Variants in MEOX2 observed in about 807,000 individuals in gnomAD.
MEOX2 encodes mesenchyme homeobox 2.
MEOX2 carries 11 observed loss-of-function variants against 27.0 expected under a neutral mutation model. The observed-to-expected ratio is 0.41, with a 90% confidence interval of 0.26 to 0.68. MEOX2 has a LOEUF of 0.68. MEOX2 is among the 30% of genes least tolerant of loss of function. The pLI is 0.33. For missense variants in MEOX2, 436 were observed against 385.4 expected (o/e 1.13, Z -1.10); for synonymous variants, 189 against 155.4 (o/e 1.22, Z -1.61).
chr7:15,658,184 G>A (rs752095114), intron 1 of MEOX2, among the ~76,000 whole-genome samples: 4 of 152,238 alleles, frequency 2.6e-5, no homozygotes, highest in African/African-American at 9.6e-5. Flanking sequence ...AACAGGATGA[G>A]TAACTCATTA....
At chr7:15,674,798 G>T (rs1386520282) in intron 1 of MEOX2, among the ~76,000 whole-genome samples, 1 of 152,112 alleles carries the variant, frequency 6.6e-6, no homozygotes, top group African/African-American at 2.4e-5. Context: ...CACATTGTGG[G>T]GAAGATGGGT....
At chr7:15,619,763 G>T (rs17168912) in intron 2 of MEOX2, among the ~76,000 whole-genome samples, 2 of 151,780 alleles carry the variant, frequency 1.3e-5, no homozygotes, top group African/African-American at 4.8e-5. Flanking sequence ...ATATTCTTAA[G>T]GCCAGTTCAA....
chr7:15,670,442 A>G (rs1469973915), intron 1 of MEOX2, among the ~76,000 whole-genome samples: 1 of 152,140 alleles, frequency 6.6e-6, no homozygotes, highest in African/African-American at 2.4e-5. Flanking sequence ...GAGGGATCCC[A>G]TCCTTGATGC....
intron 1 of MEOX2, among the ~76,000 whole-genome samples, chr7:15,629,711 C>T (rs1406104928): frequency 4.6e-5 from 7 of 152,028 alleles, no homozygotes; most frequent in Admixed American, 3.9e-4. Context: ...TAAAAACATG[C>T]TTCTTGGAAT....
rs1262275573 is a variant in MEOX2, at chr7:15,676,738, G to T, written c.517+9148C>A. Among the ~76,000 whole-genome samples, 3 of 151,860 alleles carry T rather than the reference G, an allele frequency of 2.0e-5. No individual in the cohort carries two copies. In the East Asian group the frequency reaches 5.8e-4, roughly 29 times the overall value. The stretch of plus-strand genomic sequence containing the variant: ...ATATAAAAATTAGCGGGCGCCTGTA[G>T]TCCCAGCTACTCAGGAGGCTGAGGC... On this transcript the variant is annotated intron_variant, in intron 1 of 2. Coordinates refer to ENST00000262041, the MANE Select transcript of MEOX2 (RefSeq NM_005924.5).
At chr7:15,637,844 C>T (rs927958513) in intron 1 of MEOX2, among the ~76,000 whole-genome samples, 3 of 151,836 alleles carry the variant, frequency 2.0e-5, no homozygotes, top group Non-Finnish European at 2.9e-5. Context: ...ATCTAAGAAT[C>T]CACAGGATTG....
chr7:15,665,633 C>T (rs1781990898), intron 1 of MEOX2, among the ~76,000 whole-genome samples: 2 of 152,176 alleles, frequency 1.3e-5, no homozygotes, highest in South Asian at 4.1e-4. Flanking sequence ...AGGTCAGATA[C>T]TGAGATCTCA....
At chr7:15,666,211 C>A (rs1026894131) in intron 1 of MEOX2, among the ~76,000 whole-genome samples, 3 of 152,166 alleles carry the variant, frequency 2.0e-5, no homozygotes, top group African/African-American at 7.2e-5. Context: ...AGAGCCAATA[C>A]AATGTCATGC....
At chr7:15,641,913 C>T (rs560211800) in intron 1 of MEOX2, among the ~76,000 whole-genome samples, 6 of 151,500 alleles carry the variant, frequency 4.0e-5, no homozygotes, top group Non-Finnish European at 8.8e-5. Flanking sequence ...TGTTGCCATT[C>T]GAAAAAAAAG....
chr7:15,639,542 G>A (rs574096205), intron 1 of MEOX2, among the ~76,000 whole-genome samples: 21 of 151,096 alleles, frequency 1.4e-4, no homozygotes, highest in African/African-American at 4.8e-4. Flanking sequence ...TTAATCTAAA[G>A]GCCAGTTTCT....
chr7:15,666,490 A>G (rs959268418), intron 1 of MEOX2, among the ~76,000 whole-genome samples: 2 of 152,088 alleles, frequency 1.3e-5, no homozygotes, highest in Admixed American at 6.5e-5. Flanking sequence ...GAGGTGGCTC[A>G]TGCCTGTAAT....
chr7:15,615,168 A>C (rs1781102685), intron 2 of MEOX2, among the ~76,000 whole-genome samples: 1 of 90,184 alleles, frequency 1.1e-5, no homozygotes. Flanking sequence ...AGACAGCTAT[A>C]CTATTGGTGC....
At chr7:15,679,564 A>G (rs1583795751) in intron 1 of MEOX2, 1 of 152,046 alleles carries the variant, frequency 6.6e-6, no homozygotes, top group Non-Finnish European at 1.5e-5. Flanking sequence ...TATAATCAGT[A>G]CCCTAAAGTT....
At chr7:15,624,536 C>T (rs1343669755) in intron 2 of MEOX2, among the ~76,000 whole-genome samples, 2 of 152,200 alleles carry the variant, frequency 1.3e-5, no homozygotes, top group East Asian at 3.9e-4. Flanking sequence ...GGAGTTTTCC[C>T]CCTCAGTGCT....
At chr7:15,657,555 G>A (rs770680636) in intron 1 of MEOX2, among the ~76,000 whole-genome samples, 2 of 151,978 alleles carry the variant, frequency 1.3e-5, no homozygotes, top group Non-Finnish European at 2.9e-5. Context: ...ATGTCTTCTA[G>A]AGCATTGTTG....
intron 1 of MEOX2, among the ~76,000 whole-genome samples, chr7:15,629,178 G>T (rs567608459): frequency 6.6e-6 from 1 of 152,138 alleles, no homozygotes; most frequent in African/African-American, 2.4e-5. Flanking sequence ...GTATTTATTT[G>T]AGTTTCTTTG....
chr7:15,678,669 C>G (rs1782242392), intron 1 of MEOX2, among the ~76,000 whole-genome samples: 2 of 152,216 alleles, frequency 1.3e-5, no homozygotes, highest in Non-Finnish European at 2.9e-5. Flanking sequence ...ATATATTTCA[C>G]TACTGCATTT....
At chr7:15,678,258 C>A (rs776734803) in intron 1 of MEOX2, among the ~76,000 whole-genome samples, 5 of 152,144 alleles carry the variant, frequency 3.3e-5, no homozygotes, top group Non-Finnish European at 7.4e-5. Context: ...CATACTAAGA[C>A]CTCATTTTAT....
At chr7:15,623,177 C>G (rs932840825) in intron 2 of MEOX2, among the ~76,000 whole-genome samples, 1 of 152,152 alleles carries the variant, frequency 6.6e-6, no homozygotes, top group Admixed American at 6.5e-5. Context: ...CTTTAAAACC[C>G]CAACCTCCAG....
Sources: allele counts gnomAD v4.1 joint callset (sites outside exome capture counted in the v4.1 genomes callset), GRCh38; gene constraint gnomAD v4.1.1; transcripts MANE v1.5; gene names NCBI Gene and HGNC (gene_info 2026-07-23, HGNC 2026-07-21).